ASXL1: variants seen among roughly 807,000 people sequenced by gnomAD.
The protein encoded by ASXL1 is polycomb group protein ASXL1.
Under a neutral mutation model 89.1 loss-of-function variants are expected in ASXL1, and 65 were observed. That is an observed-to-expected ratio of 0.73 (90% CI 0.60 to 0.90). The LOEUF is 0.90. Ranked by LOEUF, ASXL1 falls within the 40% of genes least tolerant of loss-of-function variation. ASXL1 has a pLI of 0.00. For missense variants in ASXL1, 1,786 were observed against 1,942.9 expected, an observed-to-expected ratio of 0.92 and a Z score of 1.52; for synonymous variants, 739 against 746.9, an observed-to-expected ratio of 0.99 and a Z score of 0.17.
chr20:32,437,233 G>C lies in ASXL1; in HGVS notation c.4521G>C (p.Ala1507=), dbSNP rs760605807. Reference sequence around the variant, plus strand: ...TGGAAAGCATCTCGCTCCAGTGTGCGTGCAGCCTGAAAGCCATGATCATGT... The same window carrying C: ...TGGAAAGCATCTCGCTCCAGTGTGCCTGCAGCCTGAAAGCCATGATCATGT... ...STVESISLQC[A]CSLKAMIMCQ... is the part of the protein sequence containing the mutation. Residue 1507 remains alanine, a synonymous_variant, in exon 13 of 13, where the codon GCG becomes GCC. Coordinates refer to ENST00000375687, the MANE Select transcript of ASXL1 (RefSeq NM_015338.6). The C allele has an allele frequency of 6.2e-7, 1 of 1,613,816 alleles. No homozygotes were observed.
rs542737819 is a variant in ASXL1 at position 32,368,647 on chromosome 20, G to A, written c.144-368G>A. Among the ~76,000 whole-genome samples, 3 of 152,022 alleles carry A rather than the reference G, an allele frequency of 2.0e-5. No homozygotes were observed. The South Asian group carries it at 6.2e-4, about 32-fold the overall frequency. Reference sequence around the variant, plus strand: ...TATGATATGTAGATTGAAATATAGAGGCTAGGAAACTTTTAATAGTAAAAT... The same window carrying A: ...TATGATATGTAGATTGAAATATAGAAGCTAGGAAACTTTTAATAGTAAAAT... On this transcript the variant is annotated intron_variant, in intron 3 of 12. Transcript: ENST00000375687.
chr20:32,411,778 T>G (rs1472341706), intron 4 of ASXL1, among the ~76,000 whole-genome samples: 1 of 152,102 alleles, frequency 6.6e-6, no homozygotes, highest in Non-Finnish European at 1.5e-5. Context: ...CCTCAAGTTA[T>G]CCACCCGCTT....
chr20:32,431,222 C>A, intron 8 of ASXL1, 99 bp from the exon 9 acceptor site: 2 of 1,445,156 alleles, frequency 1.4e-6, no homozygotes, highest in Non-Finnish European at 1.9e-6. Flanking sequence ...CAGATAACTC[C>A]TGGGTAGCTT....
At chr20:32,359,052 G>A (rs935710801) in intron 1 of ASXL1, 1 of 605,000 alleles carries the variant, frequency 1.7e-6, no homozygotes. Flanking sequence ...CGCCCCCCCC[G>A]CCCCGCGCAG....
rs192212963 is a variant in ASXL1 at position 32,432,725 on chromosome 20, T to C, written c.980-155T>C. The C allele has an allele frequency of 8.6e-5, 78 of 905,144 alleles. No individual in the cohort carries two copies. The East Asian group carries it at 2.0e-3, about 23-fold the overall frequency. 56.1% of individuals were successfully genotyped at this position (905,144 alleles called of 1,614,324 possible). On this transcript the variant is annotated intron_variant, in intron 10 of 12. Coordinates refer to ENST00000375687, the MANE Select transcript of ASXL1 (RefSeq NM_015338.6). ...CACTTTAAGGAAGAGTGAATTTCCC[T>C]TATAGTAGATGTGTTAGCTCTGTCC...
At chr20:32,397,952 T>G (rs569510167) in intron 4 of ASXL1, among the ~76,000 whole-genome samples, 1 of 152,228 alleles carries the variant, frequency 6.6e-6, no homozygotes. Flanking sequence ...AATACCACAT[T>G]GCATTTAGTT....
At chr20:32,381,454 A>C (rs2122928450) in intron 4 of ASXL1, among the ~76,000 whole-genome samples, 1 of 151,748 alleles carries the variant, frequency 6.6e-6, no homozygotes, top group African/African-American at 2.4e-5. Flanking sequence ...CACCTGCCTC[A>C]GCCTCCCAAA....
At chr20:32,375,726 A>G (rs1366391915) in intron 4 of ASXL1, among the ~76,000 whole-genome samples, 1 of 150,348 alleles carries the variant, frequency 6.7e-6, no homozygotes, top group Non-Finnish European at 1.5e-5. Flanking sequence ...TCCGTTGCCC[A>G]GGCTGGAGTG....
At chr20:32,370,761 A>AT (rs1008798286) in intron 4 of ASXL1, among the ~76,000 whole-genome samples, 2 of 151,900 alleles carry the variant, frequency 1.3e-5, no homozygotes, top group African/African-American at 4.8e-5. Flanking sequence ...TGTTTTCTAT[A>AT]TTTTTTTATA....
intron 4 of ASXL1, among the ~76,000 whole-genome samples, chr20:32,416,929 A>G (rs1284061672): frequency 1.3e-5 from 2 of 152,230 alleles, no homozygotes; most frequent in Admixed American, 6.5e-5. Context: ...CTTGTGTTTA[A>G]TGATGAACTC....
chr20:32,402,445 A>T (rs2123061145), intron 4 of ASXL1, among the ~76,000 whole-genome samples: 1 of 152,320 alleles, frequency 6.6e-6, no homozygotes, highest in Middle Eastern at 3.4e-3. Context: ...GTGTGAAAAT[A>T]TTTTTATTTC....
In ASXL1 at chr20:32,436,327, G is replaced by A. The variant is rs2011870652; in HGVS notation, c.3615G>A (p.Lys1205=). ...QAPGAPQKNC[K]AVPSFDSLHP... Reference sequence around the variant, plus strand: ...CTGGAGCACCCCAAAAGAATTGCAAGGCAGTCCCAAGTTTTGACTCCCTCC... The same window carrying A: ...CTGGAGCACCCCAAAAGAATTGCAAAGCAGTCCCAAGTTTTGACTCCCTCC... The change falls in exon 13 of 13, where the codon AAG becomes AAA. Residue 1205 remains lysine, a synonymous_variant. Transcript: ENST00000375687. 3.7e-6 allele frequency: 6 copies of A among 1,613,852 alleles called. No homozygotes were observed. Among genetic ancestry groups the A allele is most frequent in the Non-Finnish European group, 5.1e-6 (6 of 1,180,030 alleles).
Position 32,434,972 on chromosome 20 carries a change from A to T in ASXL1, c.2260A>T (p.Thr754Ser), listed in dbSNP as rs749566656. 1.9e-6 allele frequency: 3 copies of T among 1,614,066 alleles called. No homozygotes were observed. Among genetic ancestry groups the T allele is most frequent in the African/African-American group, 2.7e-5 (2 of 74,938 alleles). ...TGCCTCCCAACTCCCCGTTGCTCCCACTGGGGACCAGCCATGCCAGGCCTT... is the reference window on the plus strand; with the variant it reads ...TGCCTCCCAACTCCCCGTTGCTCCCTCTGGGGACCAGCCATGCCAGGCCTT... Reference protein sequence around the residue: ...GDASQLPVAPTGDQPCQALPL... With the variant: ...GDASQLPVAPSGDQPCQALPL... The change falls in exon 13 of 13, where the codon ACT (threonine) becomes TCT (serine). Residue 754 changes from threonine to serine, a missense_variant. Thr to Ser is a moderately conservative substitution (Grantham distance 58, BLOSUM62 1). This residue lies in a region of ASXL1 where 1,418 missense variants were observed against 1,427.8 expected (regional missense o/e 0.99). Transcript: ENST00000375687.
intron 4 of ASXL1, among the ~76,000 whole-genome samples, chr20:32,397,771 G>A (rs2048795729): frequency 6.6e-6 from 1 of 152,232 alleles, no homozygotes; most frequent in South Asian, 2.1e-4. Flanking sequence ...GCGTTGGGCC[G>A]CATTGAAAGC....
At chr20:32,387,299 A>AT (rs1259561366) in intron 4 of ASXL1, among the ~76,000 whole-genome samples, 1 of 152,020 alleles carries the variant, frequency 6.6e-6, no homozygotes, top group African/African-American at 2.4e-5. Flanking sequence ...AATAAAATAC[A>AT]TAAAAAATTT....
In ASXL1 at chr20:32,358,750, A is replaced by G. The variant is rs2122754387; in HGVS notation, c.-26A>G. ...CGCCCAGCCCGGAGGTCCCGCGTGG[A>G]GCTGCCGCCGCCGCCGGGGAGAAGG... On this transcript the variant is annotated 5_prime_UTR_variant, in exon 1 of 13. Transcript: ENST00000375687. 5.2e-6 allele frequency: 4 copies of G among 770,314 alleles called. No homozygotes were observed. The highest frequency in any genetic ancestry group is 7.7e-6 in the Non-Finnish European group (4 of 518,308). The allele number at this position is 770,314 out of a possible 1,614,324, so 47.7% of individuals were successfully genotyped here. A position where few individuals can be genotyped will look rare whatever the true frequency, so the allele number is the denominator to read the frequency against.
At chr20:32,427,852 C>T (rs2011373294) in intron 4 of ASXL1, 2 of 421,644 alleles carry the variant, frequency 4.7e-6, no homozygotes. Flanking sequence ...GATTCCTGCT[C>T]CTTAGCACTC....
In ASXL1 at chr20:32,429,609, C is replaced by G. The variant is rs1374016018; in HGVS notation, c.565+178C>G. On this transcript the variant is annotated intron_variant, in intron 7 of 12. Transcript: ENST00000375687. The surrounding 1 kb of genome is among the most constrained non-coding windows in gnomAD (Gnocchi z 4.9). Reference sequence around the variant, plus strand: ...TCTAGTGCTGGGCTCTGCTGTGTGCCTTCCTCTTTGTCTCCCAGGGCAGTC... The same window carrying G: ...TCTAGTGCTGGGCTCTGCTGTGTGCGTTCCTCTTTGTCTCCCAGGGCAGTC... The G allele has an allele frequency of 5.3e-6, 4 of 761,132 alleles. No individual in the cohort carries two copies. The East Asian group carries it at 1.1e-4, about 20-fold the overall frequency. 47.1% of individuals were successfully genotyped at this position (761,132 alleles called of 1,614,324 possible).
intron 4 of ASXL1, among the ~76,000 whole-genome samples, chr20:32,387,449 C>A (rs1028121264): frequency 6.6e-6 from 1 of 152,130 alleles, no homozygotes; most frequent in African/African-American, 2.4e-5. Context: ...ATACTACTGG[C>A]GAATTCAGTG....
Sources: allele counts gnomAD v4.1 joint callset (sites outside exome capture counted in the v4.1 genomes callset), GRCh38; gene constraint gnomAD v4.1.1; regional missense constraint gnomAD v4.1.1; non-coding constraint Gnocchi (gnomAD v3.1); transcripts MANE v1.5; gene names NCBI Gene and HGNC (gene_info 2026-07-23, HGNC 2026-07-21).